The following ROBO2 variants were observed in gnomAD, a reference collection of about 807,000 sequenced individuals.
The protein encoded by ROBO2 is roundabout homolog 2.
Under a neutral mutation model 160.8 loss-of-function variants are expected in ROBO2, and 53 were observed. The observed-to-expected ratio is 0.33, with a 90% CI of 0.26 to 0.41. The LOEUF (loss-of-function observed/expected upper bound fraction) is 0.41, where lower values mean the gene tolerates loss of function less well. Ranked by LOEUF, ROBO2 falls within the 10% of genes least tolerant of loss-of-function variation. ROBO2 has a pLI of 1.00. For synonymous variants in ROBO2, 664 were observed against 611.7 expected (o/e 1.09, Z -1.26); for missense variants, 1,577 against 1,722.4 (o/e 0.92, Z 1.49).
chr3:76,121,904 CT>C (rs1322692029), intron 2 of ROBO2, among the ~76,000 whole-genome samples: 1 of 152,152 alleles, frequency 6.6e-6, no homozygotes, highest in East Asian at 1.9e-4. Context: ...CAGATTTTTA[CT>C]TGACTATTTA....
chr3:76,742,535 G>A (rs975995818), intron 2 of ROBO2, among the ~76,000 whole-genome samples: 1 of 152,060 alleles, frequency 6.6e-6, no homozygotes, highest in Non-Finnish European at 1.5e-5. Flanking sequence ...AGAGGTAAGA[G>A]CATATTTCAC....
At chr3:76,941,516 C>T (rs1269292546) in intron 2 of ROBO2, among the ~76,000 whole-genome samples, 1 of 152,190 alleles carries the variant, frequency 6.6e-6, no homozygotes, top group Admixed American at 6.5e-5. Flanking sequence ...TTCAGCTACA[C>T]TAGTCTTCAT....
chr3:77,129,614 C>T (rs1222561856), intron 2 of ROBO2, among the ~76,000 whole-genome samples: 3 of 152,140 alleles, frequency 2.0e-5, no homozygotes, highest in Admixed American at 6.5e-5. Context: ...TAGCCCAATT[C>T]GTTCAACTTT....
At chr3:76,389,988 G>C (rs1415675795) in intron 2 of ROBO2, among the ~76,000 whole-genome samples, 3 of 152,122 alleles carry the variant, frequency 2.0e-5, no homozygotes, top group African/African-American at 7.2e-5. Context: ...CTTCACTAGA[G>C]CTCAAATGTC....
intron 2 of ROBO2, among the ~76,000 whole-genome samples, chr3:76,642,526 AT>A (rs1231496841): frequency 3.3e-5 from 5 of 151,258 alleles, no homozygotes; most frequent in African/African-American, 9.7e-5. Context: ...CCAATTTTGT[AT>A]TTTTAGTAGA....
chr3:76,487,826 T>A (rs2079581904), intron 2 of ROBO2, among the ~76,000 whole-genome samples: 1 of 152,220 alleles, frequency 6.6e-6, no homozygotes, highest in Non-Finnish European at 1.5e-5. Flanking sequence ...TGGCTGCTCC[T>A]AGAAGCTGCC....
intron 2 of ROBO2, among the ~76,000 whole-genome samples, chr3:76,920,886 A>G (rs1171431494): frequency 1.3e-5 from 2 of 152,230 alleles, no homozygotes. Flanking sequence ...CACAGCTTAT[A>G]ATGAAAGCAA....
At chr3:76,398,126 C>T (rs1454174630) in intron 2 of ROBO2, among the ~76,000 whole-genome samples, 1 of 151,976 alleles carries the variant, frequency 6.6e-6, no homozygotes, top group Non-Finnish European at 1.5e-5. Context: ...ACATATACAG[C>T]ATGGAATACT....
rs576659740 is a variant in ROBO2 at position 76,024,135 on chromosome 3, C to G, written c.109+86533C>G. ...TTAAATGAACTACTGCTTTATTAAG[C>G]AAGAAACAAATCTTAATCTGTAATA... On this transcript the variant is annotated intron_variant, in intron 2 of 26. Coordinates refer to the ROBO2 transcript ENST00000487694. 2.0e-5 allele frequency among the ~76,000 whole-genome samples: 3 copies of G among 151,118 alleles called. No individual in the cohort carries two copies. In the South Asian group the frequency reaches 6.2e-4, roughly 31 times the overall value.
At chr3:77,219,505 A>G (rs904237728) in intron 2 of ROBO2, among the ~76,000 whole-genome samples, 2 of 143,674 alleles carry the variant, frequency 1.4e-5, no homozygotes, top group African/African-American at 2.5e-5. Context: ...ATATATATAT[A>G]TATATATATC....
At chr3:77,451,147 T>G (rs1017833720) in intron 2 of ROBO2, among the ~76,000 whole-genome samples, 1 of 152,230 alleles carries the variant, frequency 6.6e-6, no homozygotes, top group East Asian at 1.9e-4. Flanking sequence ...CCTACAAATT[T>G]TTATTTCCCA....
chr3:76,174,445 A>G lies in ROBO2; in HGVS notation c.109+236843A>G, dbSNP rs191217656. Among the ~76,000 whole-genome samples the G allele has an allele frequency of 7.8e-4, 119 of 152,300 alleles. 2 individuals are homozygous for G. In the East Asian group the frequency reaches 0.02, roughly 26 times the overall value. On this transcript the variant is annotated intron_variant, in intron 2 of 26. Coordinates refer to the ROBO2 transcript ENST00000487694. ...AGTCATGACATCTTTGCCCATGCCTATGTCCTGAATGGTATTGCCTAGGTA... is the reference window on the plus strand; with the variant it reads ...AGTCATGACATCTTTGCCCATGCCTGTGTCCTGAATGGTATTGCCTAGGTA...
intron 2 of ROBO2, among the ~76,000 whole-genome samples, chr3:76,212,354 T>C (rs2107327276): frequency 6.6e-6 from 1 of 152,118 alleles, no homozygotes; most frequent in African/African-American, 2.4e-5. Context: ...TTTTTGATAT[T>C]AGAATTTCTA....
At chr3:76,220,395 CT>C (rs1703885631) in intron 2 of ROBO2, among the ~76,000 whole-genome samples, 2 of 151,766 alleles carry the variant, frequency 1.3e-5, no homozygotes, top group East Asian at 1.9e-4. Context: ...GCGGTGTGGT[CT>C]TTTAGGGGGT....
intron 2 of ROBO2, among the ~76,000 whole-genome samples, chr3:77,282,313 A>G (rs1345470104): frequency 6.6e-6 from 1 of 152,110 alleles, no homozygotes; most frequent in Admixed American, 6.6e-5. Context: ...TGCATAAAAT[A>G]TAATTATTTT....
chr3:76,327,188 G>A (rs1345225979), intron 2 of ROBO2, among the ~76,000 whole-genome samples: 1 of 151,984 alleles, frequency 6.6e-6, no homozygotes, highest in Non-Finnish European at 1.5e-5. Context: ...GAGTTTAAAT[G>A]ACTAATGTGC....
intron 2 of ROBO2, among the ~76,000 whole-genome samples, chr3:76,633,544 G>C (rs1378721774): frequency 6.6e-6 from 1 of 152,168 alleles, no homozygotes; most frequent in Non-Finnish European, 1.5e-5. Context: ...AGCTCTCCTA[G>C]AGTTTTAAAA....
At chr3:77,059,429 T>A (rs1311821774) in intron 1 of ROBO2, among the ~76,000 whole-genome samples, 1 of 152,236 alleles carries the variant, frequency 6.6e-6, no homozygotes, top group Non-Finnish European at 1.5e-5. Context: ...GGAGTAGCAC[T>A]AGCCTATAAG....
intron 1 of ROBO2, among the ~76,000 whole-genome samples, chr3:75,922,324 C>T (rs1019565987): frequency 1.4e-4 from 22 of 151,980 alleles, no homozygotes; most frequent in Admixed American, 7.2e-4. Flanking sequence ...TGCAACATTA[C>T]GGTTAAAACT....
Sources: allele counts gnomAD v4.1 joint callset (sites outside exome capture counted in the v4.1 genomes callset), GRCh38; gene constraint gnomAD v4.1.1; transcripts MANE v1.5; gene names NCBI Gene and HGNC (gene_info 2026-07-23, HGNC 2026-07-21).